Variants in WLS observed in about 807,000 individuals in gnomAD.
The protein encoded by WLS is protein wntless homolog.
In WLS, 23 loss-of-function variants were observed where a neutral mutation model predicts 62.8. The ratio of observed to expected loss-of-function variants is 0.37; its 90% CI spans 0.26 to 0.52. The LOEUF is 0.52. Ranked by LOEUF, WLS falls within the 20% of genes least tolerant of loss-of-function variation. WLS has a pLI of 0.92. For missense variants in WLS, 615 were observed against 697.3 expected, an observed-to-expected ratio of 0.88 and a Z score of 1.33; for synonymous variants, 246 against 244.1, an observed-to-expected ratio of 1.01 and a Z score of -0.07.
At chr1:68,158,934 T>C (rs1351447539) in intron 3 of WLS, among the ~76,000 whole-genome samples, 189 bp downstream of exon 3, 1 of 152,040 alleles carries the variant, frequency 6.6e-6, no homozygotes, top group African/African-American at 2.4e-5. Flanking sequence ...ATCTTAACAG[T>C]AATAGGCAAA....
intron 1 of WLS, among the ~76,000 whole-genome samples, chr1:68,227,589 T>C (rs1392432192): frequency 6.6e-6 from 1 of 151,896 alleles, no homozygotes; most frequent in Admixed American, 6.6e-5. Flanking sequence ...CATGCTCTTT[T>C]AAAAAAGATT....
intron 1 of WLS, among the ~76,000 whole-genome samples, chr1:68,223,840 C>G (rs1473320176): frequency 1.3e-5 from 2 of 152,184 alleles, no homozygotes; most frequent in Non-Finnish European, 2.9e-5. Flanking sequence ...AATGACGCTG[C>G]TTTGAGACCA....
At chr1:68,194,267 A>G (rs368579893) in intron 1 of WLS, 40 bp from the exon 2 acceptor site, 102 of 1,602,592 alleles carry the variant, frequency 6.4e-5, no homozygotes, top group Non-Finnish European at 8.5e-5. Flanking sequence ...AAAGCCATCT[A>G]TTGAAACTAC....
chr1:68,129,655 G>A (rs992269883), intron 11 of WLS, among the ~76,000 whole-genome samples: 1 of 152,164 alleles, frequency 6.6e-6, no homozygotes, highest in Non-Finnish European at 1.5e-5. Flanking sequence ...ATGGGTGTGT[G>A]AACGTGGCAG....
chr1:68,117,465 C>T (rs887669770), intron 11 of WLS: 1 of 152,318 alleles, frequency 6.6e-6, no homozygotes, highest in Non-Finnish European at 1.5e-5. Context: ...CTCGTGTGGT[C>T]CCTGTTTGTC....
intron 2 of WLS, among the ~76,000 whole-genome samples, chr1:68,184,283 G>T (rs908602848): frequency 6.6e-6 from 1 of 152,170 alleles, no homozygotes; most frequent in African/African-American, 2.4e-5. Context: ...AGAGTCTGGG[G>T]TATACTAAGT....
intron 2 of WLS, chr1:68,161,795 T>A (rs78180186): frequency 6.2e-7 from 1 of 1,601,224 alleles, no homozygotes; most frequent in Non-Finnish European, 8.5e-7. Flanking sequence ...CCGTGTTTTG[T>A]GGGCTGGTTG....
chr1:68,146,109 G>A (rs751942555), intron 8 of WLS, 97 bp from the exon 9 acceptor site: 15 of 1,398,048 alleles, frequency 1.1e-5, no homozygotes, highest in Non-Finnish European at 1.4e-5. Flanking sequence ...TACTTGTTTT[G>A]TCTCCAAATA....
intron 2 of WLS, among the ~76,000 whole-genome samples, chr1:68,192,528 G>A (rs2100599364): frequency 6.6e-6 from 1 of 151,468 alleles, no homozygotes; most frequent in Non-Finnish European, 1.5e-5. Context: ...AGTGAGCTGT[G>A]ATGACACCAC....
At chr1:68,208,128 A>G (rs1020288895) in intron 1 of WLS, among the ~76,000 whole-genome samples, 1 of 152,266 alleles carries the variant, frequency 6.6e-6, no homozygotes. Context: ...TATCCCAGGC[A>G]TATCTTAAGC....
chr1:68,152,335 CA>C (rs35580839), intron 5 of WLS, among the ~76,000 whole-genome samples: 8,074 of 152,244 alleles, frequency 0.053, 233 homozygotes, highest in Middle Eastern at 0.11. Context: ...TAGGTGAAAT[CA>C]ACCCCCCTAG....
intron 1 of WLS, among the ~76,000 whole-genome samples, chr1:68,230,532 A>G (rs1319802147): frequency 6.6e-6 from 1 of 151,928 alleles, no homozygotes; most frequent in Non-Finnish European, 1.5e-5. Context: ...ACGAGATTGC[A>G]TGTAGCCAAA....
chr1:68,133,731 G>C (rs1646564860), intron 11 of WLS, among the ~76,000 whole-genome samples: 1 of 152,180 alleles, frequency 6.6e-6, no homozygotes, highest in Non-Finnish European at 1.5e-5. Context: ...AAAGAGAGAA[G>C]AAAAAGTCTA....
intron 1 of WLS, among the ~76,000 whole-genome samples, chr1:68,230,758 C>T (rs1650375736): frequency 6.6e-6 from 1 of 152,188 alleles, no homozygotes; most frequent in South Asian, 2.1e-4. Flanking sequence ...AGGTATTTCT[C>T]TCCTTGATGA....
chr1:68,198,451 TTTAATG>T (rs1374246800), intron 1 of WLS, among the ~76,000 whole-genome samples: 1 of 152,220 alleles, frequency 6.6e-6, no homozygotes, highest in Admixed American at 6.5e-5. Context: ...CTATATAACA[TTTAATG>T]TTAAAGTGAT....
At chr1:68,155,894 A>G (rs1331216683) in intron 3 of WLS, among the ~76,000 whole-genome samples, 3 of 152,316 alleles carry the variant, frequency 2.0e-5, no homozygotes, top group Non-Finnish European at 4.4e-5. Flanking sequence ...CCCACTAAGA[A>G]TTTTCTGCCT....
At chr1:68,172,437 A>G (rs1647168716) in intron 2 of WLS, among the ~76,000 whole-genome samples, 1 of 151,920 alleles carries the variant, frequency 6.6e-6, no homozygotes, top group South Asian at 2.1e-4. Context: ...ATATATGTCT[A>G]TAAAGAGTGA....
At chr1:68,156,100 C>T (rs779735145) in intron 3 of WLS, among the ~76,000 whole-genome samples, 2 of 152,066 alleles carry the variant, frequency 1.3e-5, no homozygotes, top group Non-Finnish European at 2.9e-5. Flanking sequence ...CTCCACCTCA[C>T]CAGGACTCCC....
At chr1:68,161,798 G>C in intron 2 of WLS, 1 of 1,602,366 alleles carries the variant, frequency 6.2e-7, no homozygotes. Flanking sequence ...TGTTTTGTGG[G>C]CTGGTTGGGA....
Sources: allele counts gnomAD v4.1 joint callset (sites outside exome capture counted in the v4.1 genomes callset), GRCh38; gene constraint gnomAD v4.1.1; transcripts MANE v1.5; gene names NCBI Gene and HGNC (gene_info 2026-07-23, HGNC 2026-07-21).